Variants in RIMS4 observed in about 807,000 individuals in gnomAD.
The protein encoded by RIMS4 is regulating synaptic membrane exocytosis protein 4.
A neutral mutation model predicts 29.0 loss-of-function variants in RIMS4; 9 were observed. That is an observed-to-expected ratio of 0.31 (90% CI 0.19 to 0.54). The LOEUF (loss-of-function observed/expected upper bound fraction) is 0.54. Among genes scored for constraint, RIMS4 ranks in the 20% least tolerant of loss-of-function variants. RIMS4 has a pLI of 0.94. For synonymous variants in RIMS4, 130 were observed against 152.9 expected, an observed-to-expected ratio of 0.85 and a Z score of 1.10; for missense variants, 193 against 365.7, an observed-to-expected ratio of 0.53 and a Z score of 3.85.
chr20:44,783,929 A>G (rs1455669011), intron 1 of RIMS4, among the ~76,000 whole-genome samples: 1 of 152,252 alleles, frequency 6.6e-6, no homozygotes, highest in African/African-American at 2.4e-5. Flanking sequence ...ATTAAATATT[A>G]AAACCCACTG....
Position 44,810,175 on chromosome 20 carries a change from C to G in RIMS4, c.97G>C (p.Gly33Arg). The G allele has an allele frequency of 6.3e-7, 1 of 1,584,752 alleles. No homozygotes were observed. The highest frequency in any genetic ancestry group is 8.6e-7 in the Non-Finnish European group (1 of 1,163,186). ...TCTGGGGGGCGGGCCGCGCGCTTACCTGCGTCCTCGTCGTCGAAGGAGTTC... is the reference window on the plus strand; with the variant it reads ...TCTGGGGGGCGGGCCGCGCGCTTACGTGCGTCCTCGTCGTCGAAGGAGTTC... ...CMNSFDDEDAGDSRRLKGAIQ... is the reference protein window; with the variant it reads ...CMNSFDDEDARDSRRLKGAIQ... The change falls in exon 1 of 6, where the codon GGG (glycine) becomes CGG (arginine). Residue 33 changes from glycine to arginine, a missense_variant and splice_region_variant. Coordinates refer to ENST00000372851, the MANE Select transcript of RIMS4 (RefSeq NM_182970.4).
At chr20:44,793,528 G>A (rs1371699546) in intron 1 of RIMS4, among the ~76,000 whole-genome samples, 2 of 152,160 alleles carry the variant, frequency 1.3e-5, no homozygotes, top group Non-Finnish European at 2.9e-5. Flanking sequence ...CCACCCTCAG[G>A]ATACTGCTGA....
chr20:44,768,316 C>T (rs542044348), intron 2 of RIMS4, among the ~76,000 whole-genome samples: 1 of 152,228 alleles, frequency 6.6e-6, no homozygotes, highest in Non-Finnish European at 1.5e-5. Flanking sequence ...TGCCTACCTG[C>T]AGGAATACAT....
chr20:44,809,577 GC>G (rs2066314000), intron 1 of RIMS4, among the ~76,000 whole-genome samples: 2 of 152,186 alleles, frequency 1.3e-5, no homozygotes, highest in Admixed American at 1.3e-4. Flanking sequence ...GGGAGGAAAG[GC>G]CGTCACCTGG....
chr20:44,789,273 T>A (rs527358219), intron 1 of RIMS4, among the ~76,000 whole-genome samples: 1 of 152,300 alleles, frequency 6.6e-6, no homozygotes, highest in East Asian at 1.9e-4. Flanking sequence ...CTTACCAGTA[T>A]CATCACAGTA....
intron 1 of RIMS4, among the ~76,000 whole-genome samples, chr20:44,809,532 T>C (rs527655657): frequency 1.2e-3 from 173 of 150,228 alleles, no homozygotes; most frequent in African/African-American, 4.1e-3. Context: ...AAGTGTAGAG[T>C]TGGCGCCGCC....
chr20:44,787,183 C>G (rs1203453550), intron 1 of RIMS4, among the ~76,000 whole-genome samples: 1 of 152,078 alleles, frequency 6.6e-6, no homozygotes, highest in East Asian at 1.9e-4. Context: ...GTGGCTGGAG[C>G]AGACAGAGCA....
At chr20:44,768,363 G>A (rs777500176) in intron 2 of RIMS4, among the ~76,000 whole-genome samples, 6 of 152,202 alleles carry the variant, frequency 3.9e-5, no homozygotes, top group Non-Finnish European at 5.9e-5. Context: ...CAGACCCAGC[G>A]GTGCCAGGGG....
At chr20:44,763,934 C>T (rs949156768) in intron 2 of RIMS4, among the ~76,000 whole-genome samples, 7 of 152,138 alleles carry the variant, frequency 4.6e-5, no homozygotes, top group Admixed American at 4.6e-4. Context: ...CATCCATTCA[C>T]TACATGCTCA....
At chr20:44,757,535 C>T (rs2066065893) in intron 4 of RIMS4, 135 bp downstream of exon 4, 2 of 696,114 alleles carry the variant, frequency 2.9e-6, no homozygotes, top group East Asian at 2.6e-5. Context: ...CTACCAATTC[C>T]ACATAAGACA....
At chr20:44,796,270 T>A (rs954601503) in intron 1 of RIMS4, among the ~76,000 whole-genome samples, 1 of 152,164 alleles carries the variant, frequency 6.6e-6, no homozygotes, top group Admixed American at 6.5e-5. Context: ...TATTAGTTGC[T>A]TCTTCAAGCT....
At position 44,763,672 on chromosome 20, in the gene RIMS4, T is replaced by C. The variant is rs544546051; in HGVS notation, c.237-5488A>G. Among the ~76,000 whole-genome samples, 4 of 152,374 alleles carry C rather than the reference T, an allele frequency of 2.6e-5. No individual in the cohort carries two copies. The South Asian group carries it at 8.3e-4, about 32-fold the overall frequency. On this transcript the variant is annotated intron_variant, in intron 2 of 5. Transcript: ENST00000372851. The stretch of plus-strand genomic sequence containing the variant: ...ATGAGATTCCCTGCATTTCAAATCC[T>C]ATTACTTTTGTTTGTGGAGCTGAAA...
intron 2 of RIMS4, among the ~76,000 whole-genome samples, chr20:44,770,868 A>G (rs749982910): frequency 4.6e-5 from 7 of 152,252 alleles, no homozygotes; most frequent in Non-Finnish European, 8.8e-5. Context: ...CTTAAGCAGC[A>G]CTAATATACA....
chr20:44,775,273 C>T (rs1362877932), intron 1 of RIMS4, among the ~76,000 whole-genome samples: 2 of 152,124 alleles, frequency 1.3e-5, no homozygotes, highest in Non-Finnish European at 2.9e-5. Context: ...CAATGTGATC[C>T]TCCTCCAAGA....
chr20:44,810,153 G>C, intron 1 of RIMS4, 22 bp downstream of exon 1: 2 of 1,520,568 alleles, frequency 1.3e-6, no homozygotes, highest in Non-Finnish European at 1.8e-6. Flanking sequence ...CCGGGGGTCT[G>C]GGGGGCGGGC....
In RIMS4 at chr20:44,764,003, C is replaced by T. The variant is rs2066097460; in HGVS notation, c.237-5819G>A. Among the ~76,000 whole-genome samples the T allele has an allele frequency of 1.3e-5, 2 of 151,142 alleles. 1 individual carries two copies. The highest frequency in any genetic ancestry group is 1.3e-4 in the Admixed American group (2 of 15,100). Reference sequence around the variant, plus strand: ...CCATCCACCTATCACTTCATCCATCCATCCATTTATCCATCCATCCATTTA... The same window carrying T: ...CCATCCACCTATCACTTCATCCATCTATCCATTTATCCATCCATCCATTTA... On this transcript the variant is annotated intron_variant, in intron 2 of 5. Coordinates refer to ENST00000372851, the MANE Select transcript of RIMS4 (RefSeq NM_182970.4).
Position 44,810,290 on chromosome 20 carries a change from C to A in RIMS4, c.-19G>T, listed in dbSNP as rs760749657. ...GCTCCATGCCCGCGCCGGCGCCGGG[C>A]GCCTCGGCCGCGGCGGCGGCGGCGG... On this transcript the variant is annotated 5_prime_UTR_variant, in exon 1 of 6. Transcript: ENST00000372851. The A allele has an allele frequency of 1.2e-5, 13 of 1,048,668 alleles. No individual in the cohort carries two copies. The East Asian group carries it at 9.1e-4, about 73-fold the overall frequency. 65.0% of individuals were successfully genotyped at this position (1,048,668 alleles called of 1,614,324 possible).
intron 2 of RIMS4, among the ~76,000 whole-genome samples, chr20:44,760,228 G>A (rs182638154): frequency 6.6e-6 from 1 of 152,326 alleles, no homozygotes; most frequent in Admixed American, 6.5e-5. Context: ...GAGTGCTGGG[G>A]GATGACAGAA....
chr20:44,810,280 C>CGGCGCCG lies in RIMS4; in HGVS notation c.-16_-10dup. The stretch of plus-strand genomic sequence containing the variant: ...CTCTGCGAGCGCTCCATGCCCGCGC[C>CGGCGCCG]GGCGCCGGGCGCCTCGGCCGCGGCG... On this transcript the variant is annotated 5_prime_UTR_variant, in exon 1 of 6. Transcript: ENST00000372851. The CGGCGCCG allele has an allele frequency of 1.8e-6, 2 of 1,130,220 alleles. No individual in the cohort carries two copies. The highest frequency in any genetic ancestry group is 1.1e-6 in the Non-Finnish European group (1 of 907,440). 70.0% of individuals were successfully genotyped at this position (1,130,220 alleles called of 1,614,324 possible).
Sources: allele counts gnomAD v4.1 joint callset (sites outside exome capture counted in the v4.1 genomes callset), GRCh38; gene constraint gnomAD v4.1.1; transcripts MANE v1.5; gene names NCBI Gene and HGNC (gene_info 2026-07-23, HGNC 2026-07-21).